The following C16orf46 variants were observed in gnomAD, a reference collection of about 807,000 sequenced individuals.
C16orf46 encodes uncharacterized protein C16orf46.
A neutral mutation model predicts 5.5 loss-of-function variants in C16orf46; 7 were observed. The ratio of observed to expected loss-of-function variants is 1.28; its 90% CI spans 0.73 to 2.40. The LOEUF is 2.40. C16orf46 is among the 30% of genes most tolerant of loss of function. The pLI, the probability that C16orf46 is intolerant of heterozygous loss-of-function variation, is 0.00. For missense variants in C16orf46, 614 were observed against 476.0 expected (o/e 1.29, Z -2.70); for synonymous variants, 200 against 184.1 (o/e 1.09, Z -0.70).
exon 4 of C16orf46, chr16:81,054,045 G>C (rs1363271444): frequency 6.2e-7 from 1 of 1,604,298 alleles, no homozygotes; most frequent in South Asian, 1.1e-5. Context: ...TGCTGCTTAG[G>C]ACTGAATGTG....
downstream of C16orf46, chr16:81,060,827 C>T (rs764117348): frequency 1.0e-3 from 334 of 321,052 alleles, 1 homozygote; most frequent in Admixed American, 1.9e-3. Context: ...CCTTTGGATT[C>T]CCCACTTTCT....
At chr16:81,055,308 A>AG (rs1971262906) in intron 3 of C16orf46, 1 of 152,200 alleles carries the variant, frequency 6.6e-6, no homozygotes, top group African/African-American at 2.4e-5. Flanking sequence ...GGAAAAAAAA[A>AG]TAAAGGCTTA....
intron 1 of C16orf46, among the ~76,000 whole-genome samples, chr16:81,072,449 G>A (rs1468060525): frequency 6.6e-6 from 1 of 151,872 alleles, no homozygotes; most frequent in African/African-American, 2.4e-5. Context: ...GCAATGGTGC[G>A]ATCTTAGCTC....
rs1440267557 is a variant in C16orf46, at chr16:81,061,186, G to C, written c.1163C>G (p.Pro388Arg). 2 of 1,612,566 alleles carry C rather than the reference G, an allele frequency of 1.2e-6. No homozygotes were observed. The highest frequency in any genetic ancestry group is 4.5e-5 in the East Asian group (2 of 44,848). ...TCAGAGGATCCTGTGGGTAGAGACA[G>C]GAATGATAACTCTGCTCACTGTGAG... ...PSLTVSRVII[P>R]VSTHRIL is the part of the protein sequence containing the mutation. The change falls in exon 4 of 4, where the codon CCT (proline) becomes CGT (arginine). Residue 388 changes from proline (P) to arginine (R), a missense_variant. Physicochemically the swap from Pro to Arg is moderately radical, Grantham distance 103. Transcript: ENST00000299578.
downstream of C16orf46, chr16:81,057,841 CT>C (rs1753230108): frequency 6.5e-6 from 1 of 153,494 alleles, no homozygotes; most frequent in Non-Finnish European, 1.4e-5. Flanking sequence ...ACCATCCTGG[CT>C]ACCACGGTGA....
intron 3 of C16orf46, among the ~76,000 whole-genome samples, chr16:81,063,246 GAAAAA>G (rs371975396): frequency 9.9e-6 from 1 of 100,828 alleles, no homozygotes; most frequent in African/African-American, 3.8e-5. Context: ...CCATCTCAGG[GAAAAA>G]AAAAAAAAAA....
In C16orf46 at chr16:81,054,131, A is replaced by T. The variant is rs928417845; in HGVS notation, c.1144-37T>A. 4 of 1,598,688 alleles carry T rather than the reference A, an allele frequency of 2.5e-6. No homozygotes were observed. In the African/African-American group the frequency reaches 4.0e-5, roughly 16 times the overall value. ...AATTTAATGACTTCAGAAAATGTAG[A>T]GCCCATGCTGCAATGAAAATGTGGC... On this transcript the variant is annotated intron_variant, in intron 3 of 3. Coordinates refer to the C16orf46 transcript ENST00000378611.
intron 1 of C16orf46, among the ~76,000 whole-genome samples, chr16:81,067,451 G>T (rs544427697): frequency 1.3e-5 from 2 of 152,276 alleles, no homozygotes; most frequent in African/African-American, 4.8e-5. Context: ...TGATGTTATC[G>T]GAGAGCTCCA....
intron 3 of C16orf46, among the ~76,000 whole-genome samples, chr16:81,062,592 G>A (rs932917685): frequency 4.6e-5 from 7 of 152,128 alleles, no homozygotes; most frequent in African/African-American, 1.7e-4. Context: ...GCCAGTCTCT[G>A]CTTCCCTTAC....
rs904722252 is a variant in C16orf46 at position 81,074,630 on chromosome 16, G to A, written c.-128+2506C>T. On this transcript the variant is annotated intron_variant, in intron 1 of 3. Transcript: ENST00000299578. ...GATCTCTTGACCTCGTGATCCGCCCGCCTCAGCCTCCCAAAGTGTTGGGAT... is the reference window on the plus strand; with the variant it reads ...GATCTCTTGACCTCGTGATCCGCCCACCTCAGCCTCCCAAAGTGTTGGGAT... Among the ~76,000 whole-genome samples the A allele has an allele frequency of 7.2e-5, 11 of 152,114 alleles. No homozygotes were observed. In the East Asian group the frequency reaches 7.7e-4, roughly 11 times the overall value.
chr16:81,063,246 GA>G (rs371975396), intron 3 of C16orf46, among the ~76,000 whole-genome samples: 26,674 of 100,748 alleles, frequency 0.26, 2,730 homozygotes, highest in Middle Eastern at 0.37. Flanking sequence ...CCATCTCAGG[GA>G]AAAAAAAAAA....
Position 81,061,200 on chromosome 16 carries a change from G to A in C16orf46, c.1149C>T (p.Ser383=), listed in dbSNP as rs770444488. Residue 383 remains serine (S), a synonymous_variant, in exon 4 of 4, where the codon AGC becomes AGT. Coordinates refer to ENST00000299578, the MANE Select transcript of C16orf46 (RefSeq NM_152337.3). ...GGGTAGAGACAGGAATGATAACTCT[G>A]CTCACTGTGAGAGACGGCAAGACAG... ...PRPVLPSLTV[S]RVIIPVSTHR... 1.2e-6 allele frequency: 2 copies of A among 1,613,580 alleles called. No individual in the cohort carries two copies. The highest frequency in any genetic ancestry group is 1.1e-5 in the South Asian group (1 of 91,040).
At chr16:81,053,622 C>T (rs1244969574) in exon 4 of C16orf46, 1 of 154,658 alleles carries the variant, frequency 6.5e-6, no homozygotes, top group African/African-American at 2.4e-5. Flanking sequence ...GGCCCCTCCA[C>T]TAACTTTTCA....
downstream of C16orf46, among the ~76,000 whole-genome samples, chr16:81,058,867 C>A (rs187493226): frequency 6.6e-6 from 1 of 152,166 alleles, no homozygotes; most frequent in Non-Finnish European, 1.5e-5. Flanking sequence ...GTACTTCAAA[C>A]GTCCCCGACC....
intron 1 of C16orf46, among the ~76,000 whole-genome samples, chr16:81,071,321 T>C (rs1448351809): frequency 6.6e-6 from 1 of 152,010 alleles, no homozygotes; most frequent in Non-Finnish European, 1.5e-5. Context: ...CGACCAACTA[T>C]CTGTGATCAA....
chr16:81,066,995 G>C (rs888133582), intron 1 of C16orf46, among the ~76,000 whole-genome samples: 4 of 152,158 alleles, frequency 2.6e-5, no homozygotes, highest in East Asian at 1.9e-4. Flanking sequence ...CTATTAAAGT[G>C]ATTAGAACCA....
chr16:81,057,594 T>C (rs1051363403), downstream of C16orf46, among the ~76,000 whole-genome samples: 6 of 149,052 alleles, frequency 4.0e-5, no homozygotes, highest in Admixed American at 4.0e-4. Context: ...CCCACAGTCT[T>C]AGGTTAAAAA....
At chr16:81,054,090 C>T (rs1273133597) in exon 4 of C16orf46, 1 of 1,612,408 alleles carries the variant, frequency 6.2e-7, no homozygotes, top group Non-Finnish European at 8.5e-7. Context: ...CTTCTTTTTC[C>T]TGTGCTGTAA....
Position 81,077,159 on chromosome 16 carries a change from G to A in C16orf46, c.-151C>T, listed in dbSNP as rs1404979200. 6.6e-6 allele frequency: 1 copy of A among 152,432 alleles called. No individual in the cohort carries two copies. The highest frequency in any genetic ancestry group is 1.5e-5 in the Non-Finnish European group (1 of 68,194). The allele number at this position is 152,432 out of a possible 1,614,324, so 9.4% of individuals were successfully genotyped here. On this transcript the variant is annotated 5_prime_UTR_variant, in exon 1 of 4. Coordinates refer to ENST00000299578, the MANE Select transcript of C16orf46 (RefSeq NM_152337.3). ...ACCTGTGGGGCCAAGCGGATGGAAG[G>A]CCCCGAGACAGCTAGTCCCGGCCTA...
Sources: allele counts gnomAD v4.1 joint callset (sites outside exome capture counted in the v4.1 genomes callset), GRCh38; gene constraint gnomAD v4.1.1; transcripts MANE v1.5; gene names NCBI Gene and HGNC (gene_info 2026-07-23, HGNC 2026-07-21).